The following MYO5B variants were observed in gnomAD, a reference collection of about 807,000 sequenced individuals.
MYO5B encodes the protein myosin VB.
A neutral mutation model predicts 229.3 loss-of-function variants in MYO5B; 143 were observed. The observed-to-expected ratio is 0.62, with a 90% CI of 0.54 to 0.72. The LOEUF (loss-of-function observed/expected upper bound fraction) is 0.72, where lower values mean the gene tolerates loss of function less well. Ranked by LOEUF, MYO5B falls within the 30% of genes least tolerant of loss-of-function variation. The pLI is 0.00. For missense variants in MYO5B, 2,321 were observed against 2,331.0 expected, an observed-to-expected ratio of 1.00 and a Z score of 0.09; for synonymous variants, 918 against 885.2, an observed-to-expected ratio of 1.04 and a Z score of -0.66.
At chr18:50,082,787 C>T (rs530901570) in intron 1 of MYO5B, among the ~76,000 whole-genome samples, 2 of 152,218 alleles carry the variant, frequency 1.3e-5, no homozygotes, top group Non-Finnish European at 2.9e-5. Flanking sequence ...AGGAAGAAAA[C>T]AGCCAGTTTA....
chr18:49,928,673 G>A (rs116711898), intron 17 of MYO5B, among the ~76,000 whole-genome samples: 1 of 152,144 alleles, frequency 6.6e-6, no homozygotes, highest in East Asian at 1.9e-4. Context: ...CACTGGCACA[G>A]GCATGTTAAT....
chr18:50,000,503 C>T (rs1370477089), intron 5 of MYO5B, among the ~76,000 whole-genome samples: 2 of 152,166 alleles, frequency 1.3e-5, no homozygotes, highest in Admixed American at 6.5e-5. Context: ...GACTACGAGG[C>T]CATTTCATTC....
At chr18:49,971,815 C>T (rs2025695157) in intron 10 of MYO5B, among the ~76,000 whole-genome samples, 1 of 152,178 alleles carries the variant, frequency 6.6e-6, no homozygotes, top group Non-Finnish European at 1.5e-5. Flanking sequence ...GAACTCAGCA[C>T]TGCATTGAGC....
intron 14 of MYO5B, among the ~76,000 whole-genome samples, chr18:49,948,743 T>C (rs560880586): frequency 4.6e-5 from 7 of 152,078 alleles, no homozygotes; most frequent in African/African-American, 1.7e-4. Context: ...TTGTCATTCC[T>C]TGACAAGCTG....
intron 4 of MYO5B, among the ~76,000 whole-genome samples, chr18:50,003,398 G>A (rs906330416): frequency 5.1e-4 from 78 of 152,338 alleles, no homozygotes; most frequent in African/African-American, 1.8e-3. Context: ...TGTAGTCAGA[G>A]CATCTGCTTC....
In MYO5B at chr18:49,847,234, G is replaced by C. The variant is rs1398441655; in HGVS notation, c.4371C>G (p.Val1457=). 3.1e-6 allele frequency: 5 copies of C among 1,613,980 alleles called. No individual in the cohort carries two copies. The highest frequency in any genetic ancestry group is 3.4e-6 in the Non-Finnish European group (4 of 1,180,042). ...ERKRHELNRQ[V]TVQRKEKDFQ... Reference sequence around the variant, plus strand: ...AATCCTTCTCTTTCCGCTGGACCGTGACCTGCCTGTTGAGCTCATGGCGCT... The same window carrying C: ...AATCCTTCTCTTTCCGCTGGACCGTCACCTGCCTGTTGAGCTCATGGCGCT... The change falls in exon 33 of 40, where the codon GTC becomes GTG. Residue 1457 remains valine, a synonymous_variant. Coordinates refer to ENST00000285039, the MANE Select transcript of MYO5B (RefSeq NM_001080467.3).
rs182327830 is a variant in MYO5B at position 49,990,569 on chromosome 18, C to T, written c.757-49G>A. On this transcript the variant is annotated intron_variant, in intron 6 of 39. Transcript: ENST00000285039. ...GTTTTAGGGCAGTGACCTCTAACAT[C>T]GTTCCCTCTGCCACTGTAATCCCAG... is the stretch of plus-strand genomic sequence containing the variant. 5.2e-4 allele frequency: 769 copies of T among 1,488,930 alleles called. 4 individuals carry two copies. Among genetic ancestry groups the T allele is most frequent in the Admixed American group, 1.1e-3 (63 of 59,594 alleles). 92.2% of individuals were successfully genotyped at this position (1,488,930 alleles called of 1,614,324 possible). A position where few individuals can be genotyped will look rare whatever the true frequency, so the allele number is the denominator to read the frequency against.
At chr18:49,831,231 G>T (rs2023916547) in intron 39 of MYO5B, among the ~76,000 whole-genome samples, 1 of 152,102 alleles carries the variant, frequency 6.6e-6, no homozygotes, top group Non-Finnish European at 1.5e-5. Flanking sequence ...TCTTAAAAAT[G>T]ACATCAAGAG....
At position 49,824,429 on chromosome 18, in the gene MYO5B, T is replaced by G. The variant is rs2023815951; in HGVS notation, c.*2042A>C. ...TGCCAAGCTTTTATTCAGTAAGCTCTTGGCACCTAGTGATTAACCAGTGAC... is the reference window on the plus strand; with the variant it reads ...TGCCAAGCTTTTATTCAGTAAGCTCGTGGCACCTAGTGATTAACCAGTGAC... On this transcript the variant is annotated 3_prime_UTR_variant, in exon 40 of 40. Transcript: ENST00000285039. 2 of 152,466 alleles carry G rather than the reference T, an allele frequency of 1.3e-5. No homozygotes were observed. The highest frequency in any genetic ancestry group is 4.1e-4 in the South Asian group (2 of 4,838). 9.4% of individuals were successfully genotyped at this position (152,466 alleles called of 1,614,324 possible). A position where few individuals can be genotyped will look rare whatever the true frequency, so the allele number is the denominator to read the frequency against.
chr18:50,193,397 C>T (rs2033254954), intron 1 of MYO5B, among the ~76,000 whole-genome samples: 1 of 152,262 alleles, frequency 6.6e-6, no homozygotes, highest in South Asian at 2.1e-4. Context: ...ACAGCCTCCG[C>T]GGCCACCTTC....
intron 1 of MYO5B, among the ~76,000 whole-genome samples, chr18:50,101,719 A>C (rs1457189174): frequency 6.6e-6 from 1 of 152,228 alleles, no homozygotes; most frequent in Non-Finnish European, 1.5e-5. Flanking sequence ...AATGGTGATT[A>C]TTAAAAAGTA....
intron 31 of MYO5B, among the ~76,000 whole-genome samples, chr18:49,852,118 G>A (rs762304348): frequency 3.3e-5 from 5 of 152,240 alleles, no homozygotes; most frequent in Non-Finnish European, 7.3e-5. Context: ...TCCTAAGGTA[G>A]GACTGACTAC....
chr18:50,150,695 A>T (rs1371928731), intron 1 of MYO5B, among the ~76,000 whole-genome samples: 1 of 152,120 alleles, frequency 6.6e-6, no homozygotes, highest in Non-Finnish European at 1.5e-5. Context: ...GGATTGGGGG[A>T]GTGGGGAGGG....
At chr18:50,074,486 T>A (rs114138643) in intron 1 of MYO5B, among the ~76,000 whole-genome samples, 1,531 of 152,282 alleles carry the variant, frequency 0.01, 25 homozygotes, top group African/African-American at 0.034. Context: ...GGCTCTTGAA[T>A]CCTGCATGTC....
intron 1 of MYO5B, among the ~76,000 whole-genome samples, chr18:50,185,102 G>C (rs2033129627): frequency 3.3e-5 from 5 of 151,640 alleles, no homozygotes; most frequent in Admixed American, 3.3e-4. Flanking sequence ...ATATAGAGTA[G>C]TCATTTAAAT....
At chr18:49,853,705 G>A (rs1370903133) in intron 30 of MYO5B, 58 bp from the exon 31 acceptor site, 1 of 1,524,468 alleles carries the variant, frequency 6.6e-7, no homozygotes, top group Admixed American at 1.8e-5. Context: ...CCATCTGAGG[G>A]GACACAGGCA....
At chr18:49,884,634 G>C (rs1025433185) in intron 22 of MYO5B, among the ~76,000 whole-genome samples, 1 of 152,064 alleles carries the variant, frequency 6.6e-6, no homozygotes. Context: ...AGTGGGGAGC[G>C]GCTGTAAATA....
chr18:49,987,603 C>G (rs1416126510), intron 7 of MYO5B, among the ~76,000 whole-genome samples: 2 of 152,068 alleles, frequency 1.3e-5, no homozygotes, highest in African/African-American at 4.8e-5. Context: ...GAACATGAAC[C>G]CAGTGATTAG....
intron 1 of MYO5B, among the ~76,000 whole-genome samples, chr18:50,100,466 G>A (rs568147560): frequency 6.6e-6 from 1 of 152,312 alleles, no homozygotes; most frequent in South Asian, 2.1e-4. Flanking sequence ...CTAGTGCACA[G>A]AATTATGCTT....
Sources: gnomAD v4.1 joint callset for allele counts (sites outside exome capture counted in the v4.1 genomes callset) on GRCh38, gnomAD v4.1.1 for gene constraint, MANE v1.5 for transcripts, NCBI Gene and HGNC (gene_info 2026-07-23, HGNC 2026-07-21) for gene names.